Variants in PARVB observed in about 807,000 individuals in gnomAD.
PARVB encodes the protein parvin beta.
In PARVB, 46 loss-of-function variants were observed where a neutral mutation model predicts 47.0. The ratio of observed to expected loss-of-function variants is 0.98; its 90% CI spans 0.77 to 1.25. PARVB has a LOEUF of 1.25. Ranked by LOEUF, PARVB falls within the 50% of genes most tolerant of loss-of-function variation. The probability of loss-of-function intolerance (pLI) is 0.00; values close to 1 mark genes in which losing one functional copy is unlikely to be tolerated. For missense variants in PARVB, 473 were observed against 471.6 expected, an observed-to-expected ratio of 1.00 and a Z score of -0.03; for synonymous variants, 196 against 196.3, an observed-to-expected ratio of 1.00 and a Z score of 0.01.
intron 2 of PARVB, among the ~76,000 whole-genome samples, chr22:44,018,319 C>T (rs2050606734): frequency 6.6e-6 from 1 of 152,088 alleles, no homozygotes; most frequent in Non-Finnish European, 1.5e-5. Flanking sequence ...GGAGAATCAC[C>T]TGAACCCAGG....
intron 1 of PARVB, among the ~76,000 whole-genome samples, chr22:44,084,733 T>G (rs940107865): frequency 1.3e-5 from 2 of 152,212 alleles, no homozygotes; most frequent in African/African-American, 4.8e-5. Flanking sequence ...GGTAGCTCAC[T>G]GTGTCCCCCG....
intron 11 of PARVB, 135 bp from the exon 12 acceptor site, chr22:44,163,723 C>T (rs923626165): frequency 3.4e-5 from 23 of 674,070 alleles, no homozygotes; most frequent in African/African-American, 1.7e-4. Context: ...TGGCCCGCCC[C>T]GGGCTCACTG....
intron 1 of PARVB, among the ~76,000 whole-genome samples, chr22:44,062,023 A>G (rs2051429163): frequency 6.6e-6 from 1 of 152,252 alleles, no homozygotes; most frequent in African/African-American, 2.4e-5. Context: ...TACAGAATCC[A>G]TGAATCAAGG....
chr22:44,155,813 A>AG lies in PARVB; in HGVS notation c.844-2166dup, dbSNP rs1049150835. On this transcript the variant is annotated intron_variant, in intron 10 of 12. Transcript: ENST00000338758. This position sits in a 1 kb window ranked among gnomAD's most constrained non-coding sequence, Gnocchi z 4.8. ...GGCTGCTTTGTGGTGTGGAAGGCTG[A>AG]GGGCATGTGACATGGAGGCCAAGTG... Among the ~76,000 whole-genome samples, 2 of 152,112 alleles carry AG rather than the reference A, an allele frequency of 1.3e-5. No homozygotes were observed.
chr22:44,102,035 G>T (rs534256132), intron 3 of PARVB, among the ~76,000 whole-genome samples: 48 of 152,112 alleles, frequency 3.2e-4, no homozygotes, highest in African/African-American at 1.1e-3. Flanking sequence ...TATGATATTG[G>T]CTCACTTGAC....
intron 4 of PARVB, among the ~76,000 whole-genome samples, chr22:44,128,401 TC>T (rs894135503): frequency 6.6e-6 from 1 of 152,178 alleles, no homozygotes; most frequent in Non-Finnish European, 1.5e-5. Context: ...AAGATAGGGG[TC>T]CTGGCCACAA....
At chr22:44,082,930 C>T (rs1261909817) in intron 1 of PARVB, among the ~76,000 whole-genome samples, 2 of 152,182 alleles carry the variant, frequency 1.3e-5, no homozygotes, top group Non-Finnish European at 2.9e-5. Context: ...AGATGGACTC[C>T]TTCCATCTCG....
rs576460308 is a variant in PARVB, at chr22:44,078,134, G to A, written c.113-15794G>A. ...CTCACAGCGTGGGTCCTTGTCACAT[G>A]TCCTGTGAGCTCTGTTTGCATCCTT... is the stretch of plus-strand genomic sequence containing the variant. On this transcript the variant is annotated intron_variant, in intron 1 of 12. Coordinates refer to ENST00000338758, the MANE Select transcript of PARVB (RefSeq NM_013327.5). Among the ~76,000 whole-genome samples, 288 of 152,316 alleles carry A rather than the reference G, an allele frequency of 1.9e-3. 1 individual carries two copies. Among genetic ancestry groups the A allele is most frequent in the Admixed American group, 0.018 (274 of 15,294 alleles).
At chr22:44,064,749 G>A (rs181504473) in intron 1 of PARVB, among the ~76,000 whole-genome samples, 48 of 152,346 alleles carry the variant, frequency 3.2e-4, no homozygotes, top group African/African-American at 1.2e-3. Flanking sequence ...AGCTACTCAG[G>A]AGGCTGAGGT....
At position 44,157,899 on chromosome 22, in the gene PARVB, A is replaced by G; in HGVS notation, c.844-83A>G. The G allele has an allele frequency of 3.1e-6, 3 of 956,962 alleles. No homozygotes were observed. In the South Asian group the frequency reaches 4.1e-5, roughly 13 times the overall value. The allele number at this position is 956,962 out of a possible 1,614,324, so 59.3% of individuals were successfully genotyped here. A position where few individuals can be genotyped will look rare whatever the true frequency, so the allele number is the denominator to read the frequency against. On this transcript the variant is annotated intron_variant, in intron 10 of 12. Coordinates refer to ENST00000338758, the MANE Select transcript of PARVB (RefSeq NM_013327.5). Reference sequence around the variant, plus strand: ...CAGAGTGAGACCCTGTCTCAGAAGAAAAAATATGCCCCCCTTAAGTTTGTG... The same window carrying G: ...CAGAGTGAGACCCTGTCTCAGAAGAGAAAATATGCCCCCCTTAAGTTTGTG...
In PARVB at chr22:44,126,792, G is replaced by A. The variant is rs146668738; in HGVS notation, c.377-4695G>A. On this transcript the variant is annotated intron_variant, in intron 4 of 12. Transcript: ENST00000338758. ...ATTTCTGATTCTTTTGCCTGCACCTGTGGCTTCTCCCACCCAATGACTTGA... is the reference window on the plus strand; with the variant it reads ...ATTTCTGATTCTTTTGCCTGCACCTATGGCTTCTCCCACCCAATGACTTGA... Among the ~76,000 whole-genome samples, 595 of 152,278 alleles carry A rather than the reference G, an allele frequency of 3.9e-3. 6 individuals carry two copies. The highest frequency in any genetic ancestry group is 0.013 in the African/African-American group (556 of 41,558).
intron 12 of PARVB, among the ~76,000 whole-genome samples, chr22:44,164,199 T>C (rs1279207779): frequency 1.3e-5 from 2 of 152,154 alleles, no homozygotes; most frequent in African/African-American, 2.4e-5. Flanking sequence ...CAGGATTAAG[T>C]GCGTCTCTAG....
rs1415482013 is a variant in PARVB, at chr22:44,125,195, GTGTT to G, written c.376+6061_376+6064del. 6.6e-6 allele frequency among the ~76,000 whole-genome samples: 1 copy of G among 152,146 alleles called. No homozygotes were observed. Among genetic ancestry groups the G allele is most frequent in the African/African-American group, 2.4e-5 (1 of 41,436 alleles). ...AGTATATTTGGAGGGAAACATGTCT[GTGTT>G]TGTTTTGGTCACACATTCATTCATT... On this transcript the variant is annotated intron_variant, in intron 4 of 12. Coordinates refer to ENST00000338758, the MANE Select transcript of PARVB (RefSeq NM_013327.5). The surrounding 1 kb of genome is among the most constrained non-coding windows in gnomAD (Gnocchi z 4.1).
At chr22:44,087,954 G>A (rs1050735846) in intron 1 of PARVB, among the ~76,000 whole-genome samples, 2 of 150,602 alleles carry the variant, frequency 1.3e-5, no homozygotes, top group South Asian at 4.2e-4. Context: ...CAAAGCTGAC[G>A]CTTCCCGAGG....
intron 3 of PARVB, 23 bp from the exon 4 acceptor site, chr22:44,119,015 C>T: frequency 1.3e-6 from 2 of 1,547,204 alleles, no homozygotes; most frequent in Non-Finnish European, 1.8e-6. Flanking sequence ...GGACTGAGGC[C>T]ATAATGCCTG....
chr22:44,022,031 G>A (rs1028649677), upstream of PARVB, among the ~76,000 whole-genome samples: 7 of 152,170 alleles, frequency 4.6e-5, no homozygotes, highest in Admixed American at 3.9e-4. Flanking sequence ...GTATTACAAG[G>A]ACACGGTCAT....
At chr22:44,046,167 G>T (rs964302777) in intron 1 of PARVB, among the ~76,000 whole-genome samples, 2 of 152,158 alleles carry the variant, frequency 1.3e-5, no homozygotes, top group African/African-American at 4.8e-5. Flanking sequence ...TTATGCTTTC[G>T]GATGCTGTTG....
At chr22:44,037,778 C>T (rs1238214527) in intron 1 of PARVB, among the ~76,000 whole-genome samples, 1 of 152,234 alleles carries the variant, frequency 6.6e-6, no homozygotes, top group Non-Finnish European at 1.5e-5. Flanking sequence ...ATTTAAGCTG[C>T]ACCCAGCCCC....
In PARVB at chr22:44,132,981, A is replaced by C; in HGVS notation, c.605A>C (p.His202Pro). Reference protein sequence around the residue: ...HFRAPIRLPEHVTVQVVVVRK... With the variant: ...HFRAPIRLPEPVTVQVVVVRK... ...AGGGCCCCCATCCGCCTTCCTGAGC[A>C]TGTAACGGTGCAGGTGGTGGTCGTG... The change falls in exon 6 of 13, where the codon CAT becomes CCT. Residue 202 changes from histidine to proline, a missense_variant. Physicochemically the swap from His to Pro is moderately conservative, Grantham distance 77. Transcript: ENST00000338758. 6.2e-7 allele frequency: 1 copy of C among 1,613,976 alleles called. No homozygotes were observed. Among genetic ancestry groups the C allele is most frequent in the South Asian group, 1.1e-5 (1 of 91,062 alleles).
Sources: allele counts gnomAD v4.1 joint callset (sites outside exome capture counted in the v4.1 genomes callset), GRCh38; gene constraint gnomAD v4.1.1; non-coding constraint Gnocchi (gnomAD v3.1); transcripts MANE v1.5; gene names NCBI Gene and HGNC (gene_info 2026-07-23, HGNC 2026-07-21).